Variants in TBC1D5 observed in about 807,000 individuals in gnomAD.
TBC1D5 encodes the protein TBC1 domain family, member 5.
A neutral mutation model predicts 100.3 loss-of-function variants in TBC1D5; 75 were observed. That is an observed-to-expected ratio of 0.75 (90% CI 0.62 to 0.91). The LOEUF (loss-of-function observed/expected upper bound fraction) is 0.91. Ranked by LOEUF, TBC1D5 falls within the 40% of genes least tolerant of loss-of-function variation. TBC1D5 has a pLI of 0.00. For missense variants in TBC1D5, 910 were observed against 942.4 expected (o/e 0.97, Z 0.45); for synonymous variants, 323 against 325.6 (o/e 0.99, Z 0.09).
intron 13 of TBC1D5, among the ~76,000 whole-genome samples, chr3:17,333,939 G>A (rs2087269146): frequency 6.6e-6 from 1 of 152,038 alleles, no homozygotes; most frequent in Non-Finnish European, 1.5e-5. Flanking sequence ...GAATGGGCAA[G>A]GGTTTTGAGG....
intron 2 of TBC1D5, among the ~76,000 whole-genome samples, chr3:17,553,336 A>G (rs1398984032): frequency 1.3e-5 from 2 of 152,152 alleles, no homozygotes; most frequent in African/African-American, 4.8e-5. Flanking sequence ...CAAAAATCCA[A>G]AAGTCTGGCA....
At chr3:17,368,748 C>T (rs1409749187) in intron 13 of TBC1D5, among the ~76,000 whole-genome samples, 1 of 150,832 alleles carries the variant, frequency 6.6e-6, no homozygotes, top group Non-Finnish European at 1.5e-5. Flanking sequence ...TTTTACTTTA[C>T]AAAAAAATTT....
intron 3 of TBC1D5, among the ~76,000 whole-genome samples, chr3:17,470,181 A>C (rs966597539): frequency 3.9e-5 from 6 of 152,184 alleles, no homozygotes; most frequent in Non-Finnish European, 5.9e-5. Context: ...CTTAGTCAAG[A>C]CCAGTGACTA....
In TBC1D5 at chr3:17,435,744, C is replaced by T. The variant is rs564726065; in HGVS notation, c.98-7225G>A. Among the ~76,000 whole-genome samples, 10 of 152,314 alleles carry T rather than the reference C, an allele frequency of 6.6e-5. No individual in the cohort carries two copies. In the South Asian group the frequency reaches 2.1e-3, roughly 32 times the overall value. On this transcript the variant is annotated intron_variant, in intron 3 of 21. Coordinates refer to ENST00000253692, the Ensembl canonical transcript of TBC1D5. ...GCAATTGAAACATAAGATAGACCAC[C>T]TAAGGCCTGGGAGCAAAAGCTGGTG...
chr3:17,441,618 G>A (rs1362284580), intron 3 of TBC1D5, among the ~76,000 whole-genome samples: 1 of 152,100 alleles, frequency 6.6e-6, no homozygotes, highest in African/African-American at 2.4e-5. Flanking sequence ...TAGAACTTAT[G>A]GTTTTAATGG....
At position 17,502,734 on chromosome 3, in the gene TBC1D5, C is replaced by T. The variant is rs569979317; in HGVS notation, c.97+5740G>A. ...TCATGTCCTCTGCAGCCCTCTATCCCGTCTGTACCATACAAAATTCTTTCT... is the reference window on the plus strand; with the variant it reads ...TCATGTCCTCTGCAGCCCTCTATCCTGTCTGTACCATACAAAATTCTTTCT... On this transcript the variant is annotated intron_variant, in intron 3 of 21. Transcript: ENST00000253692. Among the ~76,000 whole-genome samples, 68 of 149,408 alleles carry T rather than the reference C, an allele frequency of 4.6e-4. 4 individuals are homozygous for T. The highest frequency in any genetic ancestry group is 1.6e-3 in the African/African-American group (64 of 39,300).
chr3:17,551,472 C>T (rs1219055246), intron 2 of TBC1D5, among the ~76,000 whole-genome samples: 1 of 152,078 alleles, frequency 6.6e-6, no homozygotes, highest in Non-Finnish European at 1.5e-5. Context: ...TAACAGTGAC[C>T]AATCACGGAT....
At chr3:17,359,085 G>A (rs2091478852) in intron 13 of TBC1D5, among the ~76,000 whole-genome samples, 1 of 151,774 alleles carries the variant, frequency 6.6e-6, no homozygotes, top group South Asian at 2.1e-4. Flanking sequence ...AAATTTGAGG[G>A]GATAAAGAAA....
chr3:17,294,575 A>T (rs1297417428), intron 14 of TBC1D5, among the ~76,000 whole-genome samples: 1 of 152,244 alleles, frequency 6.6e-6, no homozygotes. Flanking sequence ...GGGAAGCCAA[A>T]TAATGTATTA....
At chr3:17,385,399 A>G (rs2093111906) in intron 8 of TBC1D5, among the ~76,000 whole-genome samples, 1 of 152,046 alleles carries the variant, frequency 6.6e-6, no homozygotes, top group Admixed American at 6.6e-5. Flanking sequence ...GAGTCTTTTA[A>G]GAGCAGTAGT....
chr3:17,214,232 C>G (rs549407852), exon 18 of TBC1D5: 2 of 1,612,476 alleles, frequency 1.2e-6, no homozygotes, highest in East Asian at 4.5e-5. Context: ...CATAGTTTTG[C>G]TGTGTGAGCG....
chr3:17,168,984 G>C (rs1026814101), intron 19 of TBC1D5, among the ~76,000 whole-genome samples: 6 of 152,244 alleles, frequency 3.9e-5, no homozygotes, highest in Admixed American at 3.3e-4. Flanking sequence ...CCTTGGCCTG[G>C]AGGCTCTTGC....
intron 2 of TBC1D5, among the ~76,000 whole-genome samples, chr3:17,612,801 A>G (rs1428614583): frequency 6.6e-6 from 1 of 152,036 alleles, no homozygotes; most frequent in African/African-American, 2.4e-5. Context: ...AGGTAGCAGG[A>G]TACAAAATGA....
At chr3:17,331,368 G>C (rs2086843051) in intron 13 of TBC1D5, among the ~76,000 whole-genome samples, 2 of 152,112 alleles carry the variant, frequency 1.3e-5, no homozygotes, top group Non-Finnish European at 2.9e-5. Context: ...TGTCTTGGTT[G>C]ATAATACACA....
chr3:17,735,512 G>A (rs951946299), intron 1 of TBC1D5, among the ~76,000 whole-genome samples: 2 of 152,172 alleles, frequency 1.3e-5, no homozygotes, highest in African/African-American at 4.8e-5. Context: ...CAAGATGGCA[G>A]CAAGCCTTTT....
At chr3:17,693,095 G>A (rs1231452012) in intron 1 of TBC1D5, among the ~76,000 whole-genome samples, 8 of 152,224 alleles carry the variant, frequency 5.3e-5, no homozygotes. Context: ...GGACTTCTCA[G>A]CCTTAAAGCC....
intron 18 of TBC1D5, among the ~76,000 whole-genome samples, chr3:17,204,389 A>G (rs1214865168): frequency 6.6e-5 from 10 of 152,256 alleles, no homozygotes; most frequent in Non-Finnish European, 1.0e-4. Context: ...AAGTTTCAAG[A>G]AAGGTCACTA....
chr3:17,204,979 C>T (rs926914142), intron 18 of TBC1D5, among the ~76,000 whole-genome samples: 3 of 152,116 alleles, frequency 2.0e-5, no homozygotes, highest in East Asian at 1.9e-4. Flanking sequence ...ACCTTGAGTA[C>T]GTTTACTGGC....
exon 22 of TBC1D5, chr3:17,160,960 T>C: frequency 1.9e-6 from 3 of 1,611,968 alleles, no homozygotes; most frequent in Non-Finnish European, 2.5e-6. Flanking sequence ...CTGGGCACTG[T>C]GGTCAGATGT....
Sources: gnomAD v4.1 joint callset for allele counts (sites outside exome capture counted in the v4.1 genomes callset) on GRCh38, gnomAD v4.1.1 for gene constraint, MANE v1.5 for transcripts, NCBI Gene and HGNC (gene_info 2026-07-23, HGNC 2026-07-21) for gene names.